The following GLRB variants were observed in gnomAD, a reference collection of about 807,000 sequenced individuals.
The protein encoded by GLRB is glycine receptor subunit beta.
A neutral mutation model predicts 54.2 loss-of-function variants in GLRB; 33 were observed. That is an observed-to-expected ratio of 0.61 (90% CI 0.46 to 0.81). The LOEUF is 0.81. Among genes scored for constraint, GLRB ranks in the 40% least tolerant of loss-of-function variants. The pLI is 0.00. For synonymous variants in GLRB, 209 were observed against 208.2 expected, an observed-to-expected ratio of 1.00 and a Z score of -0.03; for missense variants, 572 against 584.6, an observed-to-expected ratio of 0.98 and a Z score of 0.22.
intron 9 of GLRB, among the ~76,000 whole-genome samples, chr4:157,168,305 T>C (rs1393743031): frequency 6.6e-6 from 1 of 152,166 alleles, no homozygotes; most frequent in Non-Finnish European, 1.5e-5. Context: ...AAGAAGCCAC[T>C]TTTTTCACAT....
chr4:157,124,305 T>C (rs1735936945), intron 4 of GLRB, among the ~76,000 whole-genome samples: 1 of 151,764 alleles, frequency 6.6e-6, no homozygotes, highest in Admixed American at 6.6e-5. Flanking sequence ...TTCATGGCTA[T>C]TCTCACTCAC....
intron 2 of GLRB, among the ~76,000 whole-genome samples, chr4:157,100,446 A>G (rs1734977102): frequency 6.6e-6 from 1 of 152,152 alleles, no homozygotes; most frequent in Non-Finnish European, 1.5e-5. Context: ...CTGGTATATT[A>G]GTTTAGTCTT....
intron 4 of GLRB, among the ~76,000 whole-genome samples, chr4:157,133,293 T>G (rs1163402042): frequency 2.0e-5 from 3 of 151,910 alleles, no homozygotes; most frequent in African/African-American, 7.2e-5. Flanking sequence ...TGGACTAATT[T>G]TATTGACAAG....
chr4:157,166,323 A>G (rs1737706219), intron 9 of GLRB, among the ~76,000 whole-genome samples: 1 of 152,050 alleles, frequency 6.6e-6, no homozygotes, highest in Non-Finnish European at 1.5e-5. Flanking sequence ...AAGTAGGGTT[A>G]ATGTCTTGTT....
At chr4:157,083,477 C>T (rs1009949011) in intron 2 of GLRB, among the ~76,000 whole-genome samples, 1 of 151,962 alleles carries the variant, frequency 6.6e-6, no homozygotes, top group Admixed American at 6.6e-5. Context: ...TACGCAGGCA[C>T]GTGGGATAAT....
chr4:157,079,823 ATTCT>A (rs1351424693), intron 2 of GLRB, among the ~76,000 whole-genome samples: 1 of 152,142 alleles, frequency 6.6e-6, no homozygotes, highest in Non-Finnish European at 1.5e-5. Context: ...TGTTTTAGAT[ATTCT>A]TTCTATTACC....
rs76581289 is a variant in GLRB at position 157,091,924 on chromosome 4, A to G, written c.122+13778A>G. On this transcript the variant is annotated intron_variant, in intron 2 of 9. Coordinates refer to ENST00000264428, the MANE Select transcript of GLRB (RefSeq NM_000824.5). ...TATCCTTCTAGTCCCAGCTAAGTCAACTACTCTATGAACTCCCTGCCATTA... is the reference window on the plus strand; with the variant it reads ...TATCCTTCTAGTCCCAGCTAAGTCAGCTACTCTATGAACTCCCTGCCATTA... Among the ~76,000 whole-genome samples, 1,196 of 152,240 alleles carry G rather than the reference A, an allele frequency of 7.9e-3. 23 individuals carry two copies. In the East Asian group the frequency reaches 0.1, roughly 13 times the overall value.
intron 4 of GLRB, 45 bp downstream of exon 4, chr4:157,122,442 A>G (rs2126534968): frequency 1.4e-6 from 1 of 728,408 alleles, no homozygotes; most frequent in Non-Finnish European, 2.4e-6. Context: ...ATTTCAATAG[A>G]GGAGATAGTG....
chr4:157,122,436 C>A, intron 4 of GLRB, 39 bp downstream of exon 4: 4 of 761,254 alleles, frequency 5.3e-6, no homozygotes, highest in Admixed American at 1.8e-5. Context: ...TCAAATATTT[C>A]AATAGAGGAG....
intron 9 of GLRB, among the ~76,000 whole-genome samples, chr4:157,155,862 A>G (rs1478944139): frequency 6.6e-6 from 1 of 151,952 alleles, no homozygotes; most frequent in Non-Finnish European, 1.5e-5. Flanking sequence ...TTCAGCTATT[A>G]TTTCTTTGTG....
In GLRB at chr4:157,136,678, A is replaced by T; in HGVS notation, c.507A>T (p.Gly169=). The part of the protein sequence containing the change: ...ENILLFIFRD[G]DVLVSMRLSI... ...TCCTCCTCTTTATTTTTCGTGATGG[A>T]GATGTCCTTGTCAGCATGAGGTACT... Residue 169 remains glycine (G), a synonymous_variant, in exon 5 of 10, where the codon GGA becomes GGT. Transcript: ENST00000264428. 1 of 1,606,362 alleles carries T rather than the reference A, an allele frequency of 6.2e-7. No individual in the cohort carries two copies. The highest frequency in any genetic ancestry group is 8.5e-7 in the Non-Finnish European group (1 of 1,172,950).
intron 2 of GLRB, among the ~76,000 whole-genome samples, chr4:157,103,644 C>T (rs2126487891): frequency 6.6e-6 from 1 of 152,106 alleles, no homozygotes; most frequent in East Asian, 1.9e-4. Context: ...GTAGTATGGG[C>T]ATTTAACAAT....
intron 2 of GLRB, among the ~76,000 whole-genome samples, chr4:157,113,246 G>A (rs1220471211): frequency 6.6e-6 from 1 of 151,906 alleles, no homozygotes. Flanking sequence ...GCAGTTGGTT[G>A]CAGAGTTAGA....
intron 9 of GLRB, among the ~76,000 whole-genome samples, chr4:157,157,011 C>T (rs550460796): frequency 3.3e-5 from 5 of 152,276 alleles, no homozygotes; most frequent in South Asian, 2.1e-4. Context: ...TTTCCCACTT[C>T]GTCAGGGTAG....
chr4:157,134,143 T>G (rs1736315968), intron 4 of GLRB, among the ~76,000 whole-genome samples: 1 of 152,140 alleles, frequency 6.6e-6, no homozygotes, highest in Non-Finnish European at 1.5e-5. Context: ...TTCTTTAATT[T>G]CTGTCAGATA....
chr4:157,077,967 T>G (rs1467402345), intron 1 of GLRB, 29 bp from the exon 2 acceptor site: 11 of 1,472,428 alleles, frequency 7.5e-6, no homozygotes, highest in Middle Eastern at 2.2e-4. Flanking sequence ...TCTTCATAAA[T>G]GTAAACATTT....
chr4:157,167,506 G>T (rs1057057832), intron 9 of GLRB, among the ~76,000 whole-genome samples: 1 of 152,132 alleles, frequency 6.6e-6, no homozygotes, highest in African/African-American at 2.4e-5. Context: ...TGCAAGTACT[G>T]TTGGAGGTGA....
chr4:157,151,587 T>C (rs1737024089), intron 8 of GLRB, among the ~76,000 whole-genome samples: 1 of 152,124 alleles, frequency 6.6e-6, no homozygotes, highest in South Asian at 2.1e-4. Context: ...TGTTTCCTTC[T>C]AATAGAGAGT....
Position 157,120,566 on chromosome 4 carries a change from G to A in GLRB, c.133G>A (p.Ala45Thr), listed in dbSNP as rs1735776923. 6.3e-7 allele frequency: 1 copy of A among 1,575,698 alleles called. No homozygotes were observed. Among genetic ancestry groups the A allele is most frequent in the African/African-American group, 1.4e-5 (1 of 73,940 alleles). Residue 45 changes from alanine (A) to threonine (T), a missense_variant, in exon 3 of 10, where the codon GCA becomes ACA. Coordinates refer to ENST00000264428, the MANE Select transcript of GLRB (RefSeq NM_000824.5). ...KQYLCPSQQS[A>T]EDLARVPANS... The stretch of plus-strand genomic sequence containing the variant: ...TTCTCTCTCTTATAGTCAGCAGTCA[G>A]CAGAGGACCTTGCCCGAGTACCTGC...
Sources: allele counts gnomAD v4.1 joint callset (sites outside exome capture counted in the v4.1 genomes callset), GRCh38; gene constraint gnomAD v4.1.1; transcripts MANE v1.5; gene names NCBI Gene and HGNC (gene_info 2026-07-23, HGNC 2026-07-21).